Variants in PIK3R3 observed in about 807,000 individuals in gnomAD.
The protein encoded by PIK3R3 is phosphoinositide-3-kinase regulatory subunit 3.
PIK3R3 carries 64 observed loss-of-function variants against 62.9 expected under a neutral mutation model. The ratio of observed to expected loss-of-function variants is 1.02; its 90% CI spans 0.83 to 1.25. The LOEUF (loss-of-function observed/expected upper bound fraction) is 1.25. Among genes scored for constraint, PIK3R3 ranks in the 50% most tolerant of loss-of-function variants. PIK3R3 has a pLI of 0.00. For synonymous variants in PIK3R3, 165 were observed against 189.0 expected, an observed-to-expected ratio of 0.87 and a Z score of 1.04; for missense variants, 614 against 561.6, an observed-to-expected ratio of 1.09 and a Z score of -0.94.
At chr1:46,153,867 C>T in the PIK3R3 span, among the ~76,000 whole-genome samples, 1 of 152,148 alleles carries the variant, frequency 6.6e-6, no homozygotes, top group Non-Finnish European at 1.5e-5. Flanking sequence ...CTATGATAGA[C>T]ATACAAAGTA....
intron 3 of PIK3R3, among the ~76,000 whole-genome samples, chr1:46,069,630 A>G (rs1460508782): frequency 1.3e-5 from 2 of 152,228 alleles, no homozygotes; most frequent in Non-Finnish European, 2.9e-5. Flanking sequence ...GGCTACTTAA[A>G]GAATCTAAAG....
the PIK3R3 span, among the ~76,000 whole-genome samples, chr1:46,174,051 G>A: frequency 2.3e-4 from 35 of 152,238 alleles, no homozygotes; most frequent in Admixed American, 3.3e-4. Context: ...GTGCATGCAT[G>A]TTTCTGTCTG....
At chr1:46,129,757 T>A (rs1469867489) in intron 1 of PIK3R3, among the ~76,000 whole-genome samples, 2 of 152,158 alleles carry the variant, frequency 1.3e-5, no homozygotes, top group Non-Finnish European at 2.9e-5. Context: ...AACCATTCAC[T>A]TCATAGGCAA....
intron 6 of PIK3R3, among the ~76,000 whole-genome samples, chr1:46,060,204 T>C (rs897870240): frequency 6.6e-6 from 1 of 151,916 alleles, no homozygotes; most frequent in Non-Finnish European, 1.5e-5. Context: ...TAATTATAAT[T>C]AGGCCAGGCG....
chr1:46,041,036 C>A lies in PIK3R3; in HGVS notation c.*2637G>T. On this transcript the variant is annotated 3_prime_UTR_variant, in exon 10 of 10. Transcript: ENST00000262741. ...GTTCTCTAGCCAGGGGTATAATGAA[C>A]CCCTCTGATCTTGGTCTCTCTTTGC... 1 of 162,590 alleles carries A rather than the reference C, an allele frequency of 6.2e-6. No homozygotes were observed. The allele number at this position is 162,590 out of a possible 1,614,324, so 10.1% of individuals were successfully genotyped here.
At chr1:46,159,032 A>C in the PIK3R3 span, among the ~76,000 whole-genome samples, 1 of 152,118 alleles carries the variant, frequency 6.6e-6, no homozygotes, top group Non-Finnish European at 1.5e-5. Context: ...AGTTGCAGTG[A>C]GCCGAGATGG....
the PIK3R3 span, among the ~76,000 whole-genome samples, chr1:46,149,581 G>A: frequency 6.6e-6 from 1 of 152,156 alleles, no homozygotes; most frequent in East Asian, 1.9e-4. Flanking sequence ...TTGTCACCCA[G>A]GCTGGAGTGC....
chr1:46,045,127 T>A (rs964182264), intron 9 of PIK3R3, among the ~76,000 whole-genome samples: 7 of 152,212 alleles, frequency 4.6e-5, no homozygotes, highest in Non-Finnish European at 4.4e-5. Flanking sequence ...ACAGATTAAC[T>A]CATTTAATCC....
At chr1:46,050,823 T>G (rs948555588) in intron 7 of PIK3R3, among the ~76,000 whole-genome samples, 5 of 152,200 alleles carry the variant, frequency 3.3e-5, no homozygotes, top group Non-Finnish European at 7.3e-5. Context: ...CAACTGATGA[T>G]GATTAAACAA....
chr1:46,128,651 T>C (rs1655299420), intron 1 of PIK3R3, among the ~76,000 whole-genome samples: 1 of 152,156 alleles, frequency 6.6e-6, no homozygotes, highest in South Asian at 2.1e-4. Flanking sequence ...ACTGACTAAA[T>C]TGTCTACTAC....
In PIK3R3 at chr1:46,132,468, G is replaced by C; in HGVS notation, c.-516C>G. 8.3e-7 allele frequency: 1 copy of C among 1,199,290 alleles called. No homozygotes were observed. Among genetic ancestry groups the C allele is most frequent in the Non-Finnish European group, 1.1e-6 (1 of 946,222 alleles). 74.3% of individuals were successfully genotyped at this position (1,199,290 alleles called of 1,614,324 possible). Reference sequence around the variant, plus strand: ...GTCTGCAGAGAGCGAATCCCCCAGAGGCCGGGACTCGGGCTCCTCTCCGGT... The same window carrying C: ...GTCTGCAGAGAGCGAATCCCCCAGACGCCGGGACTCGGGCTCCTCTCCGGT... On this transcript the variant is annotated 5_prime_UTR_variant, in exon 1 of 10. Transcript: ENST00000262741.
rs1655687400 is a variant in PIK3R3 at position 46,132,327 on chromosome 1, C to T, written c.-375G>A. The stretch of plus-strand genomic sequence containing the variant: ...CCGCGGAAGCCACTTTTGTGTCCTT[C>T]GAAGGAGGGAGAATGAAGAGGAAAA... On this transcript the variant is annotated 5_prime_UTR_variant, in exon 1 of 10. Transcript: ENST00000262741. The T allele has an allele frequency of 9.0e-7, 1 of 1,111,264 alleles. No individual in the cohort carries two copies. The highest frequency in any genetic ancestry group is 1.7e-5 in the African/African-American group (1 of 59,900). 68.8% of individuals were successfully genotyped at this position (1,111,264 alleles called of 1,614,324 possible). A position where few individuals can be genotyped will look rare whatever the true frequency, so the allele number is the denominator to read the frequency against.
chr1:46,127,990 A>G (rs1655242054), intron 1 of PIK3R3, among the ~76,000 whole-genome samples: 1 of 152,258 alleles, frequency 6.6e-6, no homozygotes, highest in African/African-American at 2.4e-5. Flanking sequence ...CTGTAGATAC[A>G]CCAATCCATG....
chr1:46,066,071 AT>A lies in PIK3R3; in HGVS notation c.603del (p.Glu201AspfsTer11). The A allele has an allele frequency of 6.2e-7, 1 of 1,609,192 alleles. No homozygotes were observed. Among genetic ancestry groups the A allele is most frequent in the South Asian group, 1.1e-5 (1 of 90,974 alleles). ...KSKEYDRLYE[E>X]YTRTSQEIQM... ...ATACCAACCTGGGATGTTCTAGTAT[AT>A]TCTTCATACAGCCTATCATACTCTT... On this transcript the variant is annotated frameshift_variant, in exon 5 of 10. Coordinates refer to ENST00000262741, the MANE Select transcript of PIK3R3 (RefSeq NM_003629.4). LOFTEE classifies it high-confidence loss of function.
intron 2 of PIK3R3, among the ~76,000 whole-genome samples, chr1:46,079,356 A>T (rs1650367198): frequency 6.6e-6 from 1 of 152,186 alleles, no homozygotes; most frequent in Non-Finnish European, 1.5e-5. Context: ...CTAAAACTAC[A>T]CTTTACCCAG....
At chr1:46,158,497 C>T in the PIK3R3 span, among the ~76,000 whole-genome samples, 48 of 152,346 alleles carry the variant, frequency 3.2e-4, no homozygotes, top group African/African-American at 1.1e-3. Flanking sequence ...CACCTCTGAA[C>T]TCCTAGAGCA....
chr1:46,098,129 A>T (rs1364505525), intron 1 of PIK3R3, among the ~76,000 whole-genome samples: 1 of 152,216 alleles, frequency 6.6e-6, no homozygotes, highest in Non-Finnish European at 1.5e-5. Flanking sequence ...AATGTAAAAA[A>T]AATCCCATTC....
the PIK3R3 span, among the ~76,000 whole-genome samples, chr1:46,147,234 G>T: frequency 1.1e-4 from 16 of 152,284 alleles, no homozygotes; most frequent in African/African-American, 3.9e-4. Context: ...TCAGCCTGTA[G>T]CTGGGACTAC....
the PIK3R3 span, among the ~76,000 whole-genome samples, chr1:46,146,869 G>A: frequency 6.6e-6 from 1 of 152,142 alleles, no homozygotes; most frequent in Non-Finnish European, 1.5e-5. Flanking sequence ...ATTCAAGACA[G>A]GAGCTTCCTG....
Sources: allele counts gnomAD v4.1 joint callset (sites outside exome capture counted in the v4.1 genomes callset), GRCh38; gene constraint gnomAD v4.1.1; transcripts MANE v1.5; gene names NCBI Gene and HGNC (gene_info 2026-07-23, HGNC 2026-07-21).